MAP2K4: variants seen among roughly 807,000 people sequenced by gnomAD.
The protein encoded by MAP2K4 is dual specificity mitogen-activated protein kinase kinase 4.
MAP2K4 carries 4 observed loss-of-function variants against 48.5 expected under a neutral mutation model. That is an observed-to-expected ratio of 0.08 (90% CI 0.04 to 0.19). The LOEUF (loss-of-function observed/expected upper bound fraction) is 0.19, where lower values mean the gene tolerates loss of function less well. Ranked by LOEUF, MAP2K4 falls within the 10% of genes least tolerant of loss-of-function variation. MAP2K4 has a pLI of 1.00. For synonymous variants in MAP2K4, 166 were observed against 173.1 expected (o/e 0.96, Z 0.32); for missense variants, 258 against 493.3 (o/e 0.52, Z 4.52).
At chr17:12,076,155 C>G (rs558897394) in intron 2 of MAP2K4, among the ~76,000 whole-genome samples, 235 of 152,218 alleles carry the variant, frequency 1.5e-3, no homozygotes, top group African/African-American at 5.4e-3. Context: ...CACTGTGTTT[C>G]TTTACAAAAC....
chr17:12,070,426 C>T (rs1970765726), intron 2 of MAP2K4, among the ~76,000 whole-genome samples: 2 of 152,110 alleles, frequency 1.3e-5, no homozygotes, highest in Admixed American at 6.5e-5. Flanking sequence ...CCCCTAATTC[C>T]ACTCTCTGTT....
At chr17:12,117,079 C>A (rs1972526078) in intron 7 of MAP2K4, among the ~76,000 whole-genome samples, 1 of 152,144 alleles carries the variant, frequency 6.6e-6, no homozygotes, top group African/African-American at 2.4e-5. Context: ...CAGCACGAGA[C>A]AATTTCTGTA....
chr17:12,061,510 C>T (rs554448249), intron 2 of MAP2K4, among the ~76,000 whole-genome samples: 1 of 152,248 alleles, frequency 6.6e-6, no homozygotes, highest in East Asian at 1.9e-4. Flanking sequence ...GATTCACATT[C>T]CCTTCAAGCT....
At chr17:12,095,895 T>TTCTG (rs1555548588) in intron 4 of MAP2K4, among the ~76,000 whole-genome samples, 2 of 147,294 alleles carry the variant, frequency 1.4e-5, no homozygotes, top group Admixed American at 6.8e-5. Context: ...ACACGTGTGT[T>TTCTG]TGTGTGTGTG....
At chr17:12,062,445 C>T (rs1251470306) in intron 2 of MAP2K4, among the ~76,000 whole-genome samples, 1 of 152,128 alleles carries the variant, frequency 6.6e-6, no homozygotes, top group Non-Finnish European at 1.5e-5. Flanking sequence ...AGTGATTCTC[C>T]TACCTTAGCC....
At chr17:12,115,445 T>C in intron 7 of MAP2K4, 1 of 504,226 alleles carries the variant, frequency 2.0e-6, no homozygotes, top group South Asian at 1.7e-5. Flanking sequence ...CTAAATACTG[T>C]AGGTAATTAT....
At chr17:12,062,196 C>T (rs1156651855) in intron 2 of MAP2K4, among the ~76,000 whole-genome samples, 5 of 152,076 alleles carry the variant, frequency 3.3e-5, no homozygotes, top group Middle Eastern at 6.8e-3. Context: ...TATCTGTTTC[C>T]GGGATTTCAT....
rs565136330 is a variant in MAP2K4, at chr17:12,023,857, G to C, written c.115+2856G>C. On this transcript the variant is annotated intron_variant, in intron 1 of 10. Transcript: ENST00000353533. ...TTCTCACTTGGAAAGTGGGAATAACGCTTACCTCCCCGGTGGCTTTGAGAA... is the reference window on the plus strand; with the variant it reads ...TTCTCACTTGGAAAGTGGGAATAACCCTTACCTCCCCGGTGGCTTTGAGAA... Among the ~76,000 whole-genome samples the C allele has an allele frequency of 1.4e-4, 22 of 152,270 alleles. No homozygotes were observed. The South Asian group carries it at 4.1e-3, about 29-fold the overall frequency.
intron 4 of MAP2K4, among the ~76,000 whole-genome samples, chr17:12,098,783 C>G (rs1028398677): frequency 9.2e-5 from 14 of 152,204 alleles, no homozygotes; most frequent in Admixed American, 5.2e-4. Context: ...GATTTCATTT[C>G]ACCTAATTTA....
intron 2 of MAP2K4, among the ~76,000 whole-genome samples, chr17:12,060,728 G>GGTGTGT (rs368390462): frequency 2.3e-3 from 340 of 150,350 alleles, no homozygotes; most frequent in South Asian, 4.0e-3. Context: ...AATACTATGG[G>GGTGTGT]GTGTGTGTGT....
At chr17:12,113,469 T>A (rs1318778376) in intron 7 of MAP2K4, 109 bp downstream of exon 7, 1 of 1,363,300 alleles carries the variant, frequency 7.3e-7, no homozygotes, top group Non-Finnish European at 9.9e-7. Context: ...TGCTAGAATA[T>A]TTCCCTTACC....
chr17:12,036,528 A>G (rs1162622142), intron 1 of MAP2K4: 2 of 152,110 alleles, frequency 1.3e-5, no homozygotes, highest in Non-Finnish European at 2.9e-5. Context: ...TTTTCTCACA[A>G]GCTGCCCAAC....
chr17:12,115,419 A>G, intron 7 of MAP2K4: 1 of 447,312 alleles, frequency 2.2e-6, no homozygotes, highest in Non-Finnish European at 4.2e-6. Flanking sequence ...ACAAGCCTAT[A>G]CAGCATGTTA....
intron 1 of MAP2K4, among the ~76,000 whole-genome samples, chr17:12,053,990 G>A (rs1479321737): frequency 1.3e-5 from 2 of 152,124 alleles, no homozygotes; most frequent in Admixed American, 6.6e-5. Flanking sequence ...TGCTGCAAAT[G>A]CTTAAAAAAT....
intron 2 of MAP2K4, among the ~76,000 whole-genome samples, chr17:12,072,446 G>A (rs1970848152): frequency 6.6e-6 from 1 of 152,162 alleles, no homozygotes; most frequent in South Asian, 2.1e-4. Flanking sequence ...GAAGCCATGG[G>A]AATGAAAGTT....
rs142700403 is a variant in MAP2K4, at chr17:12,030,405, A to T, written c.115+9404A>T. ...GAATTCGTTCACCTGGTCACTTCAT[A>T]ATTAGATACAAAGAACAAGTCTATA... On this transcript the variant is annotated intron_variant, in intron 1 of 10. Coordinates refer to ENST00000353533, the MANE Select transcript of MAP2K4 (RefSeq NM_003010.4). Among the ~76,000 whole-genome samples, 330 of 152,296 alleles carry T rather than the reference A, an allele frequency of 2.2e-3. 3 individuals carry two copies. The highest frequency in any genetic ancestry group is 7.3e-3 in the African/African-American group (304 of 41,568).
At chr17:12,111,458 A>G (rs1466851511) in intron 6 of MAP2K4, among the ~76,000 whole-genome samples, 3 of 146,758 alleles carry the variant, frequency 2.0e-5, no homozygotes, top group African/African-American at 7.5e-5. Context: ...TTTCTCTTGT[A>G]TTTCTTCTTG....
At position 12,020,953 on chromosome 17, in the gene MAP2K4, C is replaced by A. The variant is rs548788415; in HGVS notation, c.67C>A (p.Pro23Thr). ...GGGSGSGTPG[P>T]VGSPAPGHPA... Reference sequence around the variant, plus strand: ...CGGCAGCGGCAGCGGCACCCCCGGCCCCGTAGGGTCCCCGGCGCCAGGCCA... The same window carrying A: ...CGGCAGCGGCAGCGGCACCCCCGGCACCGTAGGGTCCCCGGCGCCAGGCCA... The change falls in exon 1 of 11, where the codon CCC becomes ACC. Residue 23 changes from proline to threonine, a missense_variant. Physicochemically the swap from Pro to Thr is conservative, Grantham distance 38. Coordinates refer to ENST00000353533, the MANE Select transcript of MAP2K4 (RefSeq NM_003010.4). 2.5e-5 allele frequency: 30 copies of A among 1,216,802 alleles called. No homozygotes were observed. The East Asian group carries it at 3.6e-4, about 15-fold the overall frequency. 75.4% of individuals were successfully genotyped at this position (1,216,802 alleles called of 1,614,324 possible).
intron 8 of MAP2K4, among the ~76,000 whole-genome samples, chr17:12,126,534 T>G (rs1236006074): frequency 6.6e-6 from 1 of 152,206 alleles, no homozygotes; most frequent in Non-Finnish European, 1.5e-5. Flanking sequence ...ATCTTCTTGT[T>G]GTAGTCTCAC....
Sources: allele counts gnomAD v4.1 joint callset (sites outside exome capture counted in the v4.1 genomes callset), GRCh38; gene constraint gnomAD v4.1.1; transcripts MANE v1.5; gene names NCBI Gene and HGNC (gene_info 2026-07-23, HGNC 2026-07-21).